SPART: variants seen among roughly 807,000 people sequenced by gnomAD.
SPART encodes spastic paraplegia 20 (Troyer syndrome).
In SPART, 35 loss-of-function variants were observed where a neutral mutation model predicts 58.7. The observed-to-expected ratio is 0.60, with a 90% CI of 0.46 to 0.79. The LOEUF (loss-of-function observed/expected upper bound fraction) is 0.79. SPART is among the 30% of genes least tolerant of loss of function. The probability of loss-of-function intolerance (pLI) is 0.00; values close to 1 mark genes in which losing one functional copy is unlikely to be tolerated. For missense variants in SPART, 730 were observed against 786.1 expected (o/e 0.93, Z 0.85); for synonymous variants, 284 against 280.7 (o/e 1.01, Z -0.12).
chr13:36,320,246 C>T (rs1882233540), intron 5 of SPART, among the ~76,000 whole-genome samples: 1 of 152,186 alleles, frequency 6.6e-6, no homozygotes, highest in Non-Finnish European at 1.5e-5. Context: ...GCTGTACTCA[C>T]TCTTTGTTGA....
chr13:36,325,587 T>A (rs187710149), intron 5 of SPART, among the ~76,000 whole-genome samples: 1 of 152,148 alleles, frequency 6.6e-6, no homozygotes, highest in African/African-American at 2.4e-5. Flanking sequence ...ACTGGCAATA[T>A]TTTTTAAAAA....
chr13:36,361,154 G>GT (rs1885843168), intron 1 of SPART, among the ~76,000 whole-genome samples: 1 of 152,076 alleles, frequency 6.6e-6, no homozygotes, highest in East Asian at 1.9e-4. Flanking sequence ...TTATATACAT[G>GT]TTTTTATTGC....
intron 1 of SPART, among the ~76,000 whole-genome samples, chr13:36,359,547 A>G (rs1437010579): frequency 6.6e-6 from 1 of 152,186 alleles, no homozygotes; most frequent in Non-Finnish European, 1.5e-5. Flanking sequence ...TACTACCTAC[A>G]TGAACTTAGG....
chr13:36,357,388 C>T (rs1885663742), intron 1 of SPART, among the ~76,000 whole-genome samples: 1 of 152,178 alleles, frequency 6.6e-6, no homozygotes. Flanking sequence ...TTGTTGGAAA[C>T]AGTCATTTTC....
chr13:36,359,922 T>TAAAAA (rs1885774054), intron 1 of SPART, among the ~76,000 whole-genome samples: 1 of 4,872 alleles, frequency 2.1e-4, no homozygotes, highest in South Asian at 0.012. Context: ...GGTTGTTAAT[T>TAAAAA]TAAAAAAAAA....
At chr13:36,326,510 A>G (rs749004512) in intron 5 of SPART, 65 bp downstream of exon 5, 2 of 1,575,210 alleles carry the variant, frequency 1.3e-6, no homozygotes, top group East Asian at 2.2e-5. Flanking sequence ...CTAATAAACA[A>G]TATCTTTATT....
At chr13:36,309,916 A>T (rs1036423616) in intron 8 of SPART, among the ~76,000 whole-genome samples, 1 of 152,180 alleles carries the variant, frequency 6.6e-6, no homozygotes, top group African/African-American at 2.4e-5. Context: ...AAATAAAGCA[A>T]TTCCTACTTC....
intron 2 of SPART, 134 bp downstream of exon 2, chr13:36,334,887 T>A: frequency 1.4e-6 from 1 of 698,898 alleles, no homozygotes; most frequent in South Asian, 1.8e-5. Context: ...CATAATTTCA[T>A]GGAATATATT....
At chr13:36,346,827 G>A (rs1399109385), upstream of SPART, 2 of 152,306 alleles carry the variant, frequency 1.3e-5, no homozygotes, top group South Asian at 2.1e-4. Flanking sequence ...TGGGCAGTGA[G>A]CGCTTGTAGC....
chr13:36,368,942 T>C (rs961246950), intron 1 of SPART, among the ~76,000 whole-genome samples: 1 of 152,192 alleles, frequency 6.6e-6, no homozygotes, highest in African/African-American at 2.4e-5. Context: ...GAGGTTTCAG[T>C]GAGCTGAGAT....
intron 1 of SPART, among the ~76,000 whole-genome samples, chr13:36,367,364 G>A (rs1004993676): frequency 6.6e-6 from 1 of 152,134 alleles, no homozygotes; most frequent in African/African-American, 2.4e-5. Context: ...TAGGGTGGGA[G>A]GGCCAGCTTT....
intron 2 of SPART, among the ~76,000 whole-genome samples, chr13:36,331,927 G>A (rs1391067052): frequency 2.0e-5 from 3 of 151,996 alleles, no homozygotes; most frequent in African/African-American, 7.3e-5. Flanking sequence ...TAAGGTTTTC[G>A]TTATTGAAAT....
chr13:36,346,830 C>G (rs1365973691), upstream of SPART: 1 of 152,282 alleles, frequency 6.6e-6, no homozygotes, highest in Non-Finnish European at 1.5e-5. Context: ...GCAGTGAGCG[C>G]TTGTAGCCGC....
Position 36,303,011 on chromosome 13 carries a change from ACTGT to A in SPART, c.*1350_*1353del, listed in dbSNP as rs1765357749. ...ATTCCATTTCTTAAACAAAGCATAG[ACTGT>A]CTGTAAGCTATTTACCACTTCACTT... On this transcript the variant is annotated 3_prime_UTR_variant, in exon 9 of 9. Coordinates refer to ENST00000438666, the MANE Select transcript of SPART (RefSeq NM_015087.5). The A allele has an allele frequency of 1.3e-5, 2 of 152,136 alleles. No homozygotes were observed. The highest frequency in any genetic ancestry group is 2.1e-4 in the South Asian group (1 of 4,822). The allele number at this position is 152,136 out of a possible 1,614,324, so 9.4% of individuals were successfully genotyped here. A position where few individuals can be genotyped will look rare whatever the true frequency, so the allele number is the denominator to read the frequency against.
intron 1 of SPART, among the ~76,000 whole-genome samples, chr13:36,344,338 G>A (rs961606380): frequency 2.6e-5 from 4 of 152,158 alleles, no homozygotes; most frequent in Non-Finnish European, 5.9e-5. Context: ...CTAATAATGT[G>A]TCAATGGAGG....
chr13:36,325,214 CTAATAA>C (rs1455418940), intron 5 of SPART, among the ~76,000 whole-genome samples: 1 of 152,070 alleles, frequency 6.6e-6, no homozygotes, highest in African/African-American at 2.4e-5. Context: ...TGATGGCCTC[CTAATAA>C]TAATGCTTAG....
chr13:36,313,702 T>C (rs1881367801), intron 6 of SPART, among the ~76,000 whole-genome samples: 2 of 152,354 alleles, frequency 1.3e-5, no homozygotes, highest in South Asian at 4.1e-4. Flanking sequence ...ACATGGTGTA[T>C]AGGTTTGTAC....
chr13:36,341,225 T>C (rs923725722), intron 1 of SPART, among the ~76,000 whole-genome samples: 1 of 152,148 alleles, frequency 6.6e-6, no homozygotes, highest in Non-Finnish European at 1.5e-5. Flanking sequence ...TTAATTACTA[T>C]TAAAAAAGTA....
At chr13:36,361,780 T>C (rs2137721757) in intron 1 of SPART, among the ~76,000 whole-genome samples, 1 of 152,338 alleles carries the variant, frequency 6.6e-6, no homozygotes, top group East Asian at 1.9e-4. Context: ...TGCTACTATT[T>C]ACATTTTTAA....
Sources: gnomAD v4.1 joint callset for allele counts (sites outside exome capture counted in the v4.1 genomes callset) on GRCh38, gnomAD v4.1.1 for gene constraint, MANE v1.5 for transcripts, NCBI Gene and HGNC (gene_info 2026-07-23, HGNC 2026-07-21) for gene names.